Variants in ROR1 observed in about 807,000 individuals in gnomAD.
ROR1 encodes the protein inactive tyrosine-protein kinase transmembrane receptor ROR1.
ROR1 carries 19 observed loss-of-function variants against 78.8 expected under a neutral mutation model. The observed-to-expected ratio is 0.24, with a 90% CI of 0.17 to 0.35. The LOEUF (loss-of-function observed/expected upper bound fraction) is 0.35. ROR1 is among the 10% of genes least tolerant of loss of function. The pLI is 1.00. For synonymous variants in ROR1, 386 were observed against 433.6 expected (o/e 0.89, Z 1.36); for missense variants, 917 against 1,177.8 (o/e 0.78, Z 3.24).
intron 1 of ROR1, among the ~76,000 whole-genome samples, chr1:63,885,478 T>C (rs855852): frequency 0.87 from 132,615 of 152,066 alleles, 58,615 homozygotes; most frequent in East Asian, 1. Flanking sequence ...CTTTGGGGGA[T>C]CAGTGGTGGT....
At chr1:63,958,416 G>A (rs1311160310) in intron 1 of ROR1, among the ~76,000 whole-genome samples, 3 of 152,066 alleles carry the variant, frequency 2.0e-5, no homozygotes, top group Non-Finnish European at 4.4e-5. Context: ...CAGCAATAAT[G>A]GCAGTTAAAT....
rs149906086 is a variant in ROR1 at position 64,049,862 on chromosome 1, A to G, written c.335A>G (p.Tyr112Cys). 2 of 1,614,160 alleles carry G rather than the reference A, an allele frequency of 1.2e-6. No homozygotes were observed. The highest frequency in any genetic ancestry group is 1.7e-6 in the Non-Finnish European group (2 of 1,180,030). ...AGGCTCTCCTTTCGGTCCACCATCTATGGCTCTCGGCTGCGGATTAGAAAC... is the reference window on the plus strand; with the variant it reads ...AGGCTCTCCTTTCGGTCCACCATCTGTGGCTCTCGGCTGCGGATTAGAAAC... Reference protein sequence around the residue: ...PRRLSFRSTIYGSRLRIRNLD... With the variant: ...PRRLSFRSTICGSRLRIRNLD... The change falls in exon 3 of 9, where the codon TAT becomes TGT. Residue 112 changes from tyrosine (Y) to cysteine (C), a missense_variant. By Grantham distance (194) the Tyr-to-Cys change is radical. Coordinates refer to ENST00000371079, the MANE Select transcript of ROR1 (RefSeq NM_005012.4).
intron 1 of ROR1, among the ~76,000 whole-genome samples, chr1:63,893,504 G>A (rs1645415860): frequency 1.3e-5 from 2 of 152,172 alleles, no homozygotes; most frequent in Non-Finnish European, 2.9e-5. Context: ...TAGAAAAGAG[G>A]CTGATTTTTG....
chr1:63,823,256 C>T (rs766655504), intron 1 of ROR1, among the ~76,000 whole-genome samples: 1 of 151,944 alleles, frequency 6.6e-6, no homozygotes, highest in African/African-American at 2.4e-5. Flanking sequence ...GGAATTTGTC[C>T]ACAGTTAGCC....
intron 7 of ROR1, among the ~76,000 whole-genome samples, chr1:64,146,413 T>C (rs1477474217): frequency 6.6e-6 from 1 of 152,006 alleles, no homozygotes; most frequent in Non-Finnish European, 1.5e-5. Flanking sequence ...GAGGCGGAGG[T>C]TGCAGTGAGC....
At chr1:63,798,915 T>G (rs1372431998) in intron 1 of ROR1, among the ~76,000 whole-genome samples, 1 of 152,206 alleles carries the variant, frequency 6.6e-6, no homozygotes, top group Non-Finnish European at 1.5e-5. Flanking sequence ...TAAACTTTCC[T>G]ATTTTTGGTG....
At chr1:63,912,546 C>T (rs1271337538) in intron 1 of ROR1, among the ~76,000 whole-genome samples, 1 of 152,088 alleles carries the variant, frequency 6.6e-6, no homozygotes, top group Non-Finnish European at 1.5e-5. Flanking sequence ...GGATAGATAA[C>T]ATGTACAAAG....
chr1:63,854,567 C>A (rs1645136641), intron 1 of ROR1, among the ~76,000 whole-genome samples: 1 of 152,188 alleles, frequency 6.6e-6, no homozygotes, highest in Non-Finnish European at 1.5e-5. Context: ...CTACAACAAT[C>A]CGAACGTACT....
intron 1 of ROR1, among the ~76,000 whole-genome samples, chr1:63,978,760 A>G (rs1646183980): frequency 6.6e-6 from 1 of 152,196 alleles, no homozygotes; most frequent in African/African-American, 2.4e-5. Context: ...CTGAACACAC[A>G]TCTGTATTAG....
chr1:64,025,232 CAG>C (rs2100561387), intron 2 of ROR1, among the ~76,000 whole-genome samples: 1 of 152,254 alleles, frequency 6.6e-6, no homozygotes, highest in South Asian at 2.1e-4. Flanking sequence ...AACCTAGACT[CAG>C]GGAATCTCCA....
chr1:64,133,556 T>A (rs1648996388), intron 4 of ROR1, among the ~76,000 whole-genome samples: 1 of 152,206 alleles, frequency 6.6e-6, no homozygotes, highest in South Asian at 2.1e-4. Flanking sequence ...TATGGCAGGT[T>A]GTAGAGGCTG....
chr1:64,068,668 G>T (rs759933884), intron 4 of ROR1, among the ~76,000 whole-genome samples: 32 of 152,120 alleles, frequency 2.1e-4, no homozygotes, highest in Non-Finnish European at 4.4e-4. Flanking sequence ...GGAACCATCA[G>T]TATTGTTTTA....
chr1:63,811,446 G>C (rs1644859496), intron 1 of ROR1, among the ~76,000 whole-genome samples: 1 of 152,184 alleles, frequency 6.6e-6, no homozygotes, highest in South Asian at 2.1e-4. Context: ...TCAGGGGAGT[G>C]AGTTGTCACA....
intron 1 of ROR1, among the ~76,000 whole-genome samples, chr1:64,008,690 A>G (rs1180225842): frequency 2.0e-5 from 3 of 152,028 alleles, no homozygotes; most frequent in African/African-American, 7.3e-5. Context: ...GCTGGATTTC[A>G]GTGGCACCAT....
At chr1:63,884,220 AG>A (rs1365008249) in intron 1 of ROR1, among the ~76,000 whole-genome samples, 1 of 152,134 alleles carries the variant, frequency 6.6e-6, no homozygotes, top group African/African-American at 2.4e-5. Context: ...TCCCACGTGG[AG>A]GGTGGTGCCA....
intron 4 of ROR1, among the ~76,000 whole-genome samples, chr1:64,079,202 A>G (rs1227746708): frequency 6.6e-6 from 1 of 152,210 alleles, no homozygotes. Flanking sequence ...ACATTAAAAC[A>G]TGTAAGTAAG....
At chr1:64,008,583 T>C (rs767312871) in intron 1 of ROR1, among the ~76,000 whole-genome samples, 19 of 152,198 alleles carry the variant, frequency 1.2e-4, no homozygotes, top group Non-Finnish European at 2.1e-4. Context: ...CCCCCAACAG[T>C]GTATTAGCAT....
In ROR1 at chr1:64,140,140, C is replaced by T. The variant is rs1569842533; in HGVS notation, c.642C>T (p.His214=). The change falls in exon 6 of 9, where the codon CAC becomes CAT. Residue 214 remains histidine, a synonymous_variant. Transcript: ENST00000371079. ...TCACTATGATTGGCACTTCCAGTCA[C>T]TTATCTGATAAGTGTTCTCAGTTCG... The part of the protein sequence containing the change: ...AAFTMIGTSS[H]LSDKCSQFAI... The T allele has an allele frequency of 6.2e-7, 1 of 1,613,818 alleles. No individual in the cohort carries two copies.
At chr1:64,035,630 A>G (rs1037010070) in intron 2 of ROR1, among the ~76,000 whole-genome samples, 3 of 152,152 alleles carry the variant, frequency 2.0e-5, no homozygotes, top group African/African-American at 4.8e-5. Flanking sequence ...AGTTGCTGTT[A>G]GTGCCAAGAG....
Sources: gnomAD v4.1 joint callset for allele counts (sites outside exome capture counted in the v4.1 genomes callset) on GRCh38, gnomAD v4.1.1 for gene constraint, MANE v1.5 for transcripts, NCBI Gene and HGNC (gene_info 2026-07-23, HGNC 2026-07-21) for gene names.